Variants in ESS2 observed in about 807,000 individuals in gnomAD.
ESS2 encodes ess-2 spliceosome associated protein.
ESS2 carries 31 observed loss-of-function variants against 52.0 expected under a neutral mutation model. The observed-to-expected ratio is 0.60, with a 90% CI of 0.45 to 0.81. The LOEUF (loss-of-function observed/expected upper bound fraction) is 0.81. Among genes scored for constraint, ESS2 ranks in the 30% least tolerant of loss-of-function variants. The pLI is 0.00. For synonymous variants in ESS2, 285 were observed against 259.2 expected (o/e 1.10, Z -0.95); for missense variants, 602 against 637.2 (o/e 0.94, Z 0.59).
At chr22:19,139,031 C>T (rs1165135392) in intron 6 of ESS2, 128 bp downstream of exon 6, 15 of 1,290,922 alleles carry the variant, frequency 1.2e-5, no homozygotes, top group South Asian at 1.5e-5. Context: ...AGGATCCTGC[C>T]GCACAGGGCC....
chr22:19,136,810 G>A (rs533469808), intron 8 of ESS2, among the ~76,000 whole-genome samples: 6 of 152,212 alleles, frequency 3.9e-5, no homozygotes, highest in African/African-American at 9.6e-5. Context: ...TAAGTATTCT[G>A]GGGAAAGGCC....
chr22:19,137,104 C>A (rs2146094677), intron 8 of ESS2, among the ~76,000 whole-genome samples: 1 of 152,264 alleles, frequency 6.6e-6, no homozygotes, highest in Non-Finnish European at 1.5e-5. Context: ...GCCCAAGCCA[C>A]TCCCTGCCTT....
chr22:19,131,557 T>C lies in ESS2; in HGVS notation c.*2639A>G, dbSNP rs2083507111. 6.2e-7 allele frequency: 1 copy of C among 1,614,138 alleles called. No individual in the cohort carries two copies. Among genetic ancestry groups the C allele is most frequent in the African/African-American group, 1.3e-5 (1 of 75,036 alleles). ...CGCAAGAAAACACCTACTGACTTTGTGGAGAGATTCCTTCCTCGGGAGATG... is the reference window on the plus strand; with the variant it reads ...CGCAAGAAAACACCTACTGACTTTGCGGAGAGATTCCTTCCTCGGGAGATG... On this transcript the variant is annotated 3_prime_UTR_variant, in exon 10 of 10. Coordinates refer to ENST00000252137, the MANE Select transcript of ESS2 (RefSeq NM_022719.3). The surrounding 1 kb of genome is among the most constrained non-coding windows in gnomAD (Gnocchi z 5.7).
intron 2 of ESS2, 28 bp from the exon 3 acceptor site, chr22:19,142,661 A>T: frequency 6.2e-7 from 1 of 1,610,706 alleles, no homozygotes; most frequent in South Asian, 1.1e-5. Context: ...GATAAGAATT[A>T]GAGTGAGCCT....
chr22:19,144,301 C>T, intron 1 of ESS2: 1 of 1,349,288 alleles, frequency 7.4e-7, no homozygotes, highest in Non-Finnish European at 9.5e-7. Context: ...GAGCCGCTCT[C>T]TCTTTTCCCT....
In ESS2 at chr22:19,132,612, T is replaced by C; in HGVS notation, c.*1584A>G. The C allele has an allele frequency of 2.4e-6, 2 of 849,300 alleles. No individual in the cohort carries two copies. The highest frequency in any genetic ancestry group is 3.8e-6 in the Non-Finnish European group (2 of 531,266). 52.6% of individuals were successfully genotyped at this position (849,300 alleles called of 1,614,324 possible). A position where few individuals can be genotyped will look rare whatever the true frequency, so the allele number is the denominator to read the frequency against. On this transcript the variant is annotated 3_prime_UTR_variant, in exon 10 of 10. Coordinates refer to ENST00000252137, the MANE Select transcript of ESS2 (RefSeq NM_022719.3). The surrounding 1 kb of genome is among the most constrained non-coding windows in gnomAD (Gnocchi z 4.2). ...AAGTAAAATTCGTCAATTAAACCAC[T>C]ATTTTGATTACGTTCCATTAGCTTT...
At chr22:19,142,164 G>A (rs2083697913) in intron 3 of ESS2, among the ~76,000 whole-genome samples, 1 of 152,174 alleles carries the variant, frequency 6.6e-6, no homozygotes, top group South Asian at 2.1e-4. Flanking sequence ...GAAACACAGT[G>A]AGCCATGCAG....
At chr22:19,141,507 T>C (rs2083685753) in intron 3 of ESS2, among the ~76,000 whole-genome samples, 1 of 152,202 alleles carries the variant, frequency 6.6e-6, no homozygotes, top group Non-Finnish European at 1.5e-5. Flanking sequence ...TATAGAGCTG[T>C]GTGTCCCAGC....
At chr22:19,140,663 C>A (rs921364170) in intron 3 of ESS2, among the ~76,000 whole-genome samples, 2 of 152,192 alleles carry the variant, frequency 1.3e-5, no homozygotes, top group South Asian at 2.1e-4. Flanking sequence ...CCTGGTGCTG[C>A]GTGTGGTGGT....
Position 19,144,618 on chromosome 22 carries a change from G to A in ESS2, c.23C>T (p.Ala8Val), listed in dbSNP as rs1322065209. The change falls in exon 1 of 10, where the codon GCG becomes GTG. Residue 8 changes from alanine to valine, a missense_variant. By Grantham distance (64) the Ala-to-Val change is moderately conservative. Coordinates refer to ENST00000252137, the MANE Select transcript of ESS2 (RefSeq NM_022719.3). ...CGCGGCGGGAAGCAACAAGGACGAC[G>A]CTGATGCGCCCGGCGTCTCCATCGC... is the stretch of plus-strand genomic sequence containing the variant. METPGAS[A>V]SSLLLPAASR... The A allele has an allele frequency of 3.9e-6, 6 of 1,550,948 alleles. No homozygotes were observed. The highest frequency in any genetic ancestry group is 1.7e-6 in the Non-Finnish European group (2 of 1,146,102).
Position 19,137,859 on chromosome 22 carries a change from G to A in ESS2, c.925+356C>T, listed in dbSNP as rs374263572. 42 of 985,412 alleles carry A rather than the reference G, an allele frequency of 4.3e-5. 2 individuals carry two copies. In the South Asian group the frequency reaches 2.0e-3, roughly 46 times the overall value. 61.0% of individuals were successfully genotyped at this position (985,412 alleles called of 1,614,324 possible). ...CCACGCATGCCACAAGACCACCTGAGTTTCACCTCCACTGAGGTGCTGGGC... is the reference window on the plus strand; with the variant it reads ...CCACGCATGCCACAAGACCACCTGAATTTCACCTCCACTGAGGTGCTGGGC... On this transcript the variant is annotated intron_variant, in intron 7 of 9. Coordinates refer to ENST00000252137, the MANE Select transcript of ESS2 (RefSeq NM_022719.3).
intron 1 of ESS2, 49 bp from the exon 2 acceptor site, chr22:19,142,943 A>C: frequency 7.4e-5 from 116 of 1,565,334 alleles, no homozygotes; most frequent in Non-Finnish European, 9.2e-5. Flanking sequence ...GCGGTGGCTC[A>C]CACCTGTAAT....
chr22:19,140,004 C>G lies in ESS2; in HGVS notation c.421G>C (p.Glu141Gln). Residue 141 changes from glutamate (E) to glutamine (Q), a missense_variant, in exon 4 of 10, where the codon GAG becomes CAG. Transcript: ENST00000252137. Reference sequence around the variant, plus strand: ...TCTAGGCTGGGCAGCGGCTCCTTCTCCTCCTCCTCTCCAGCCTCTCCTGCT... The same window carrying G: ...TCTAGGCTGGGCAGCGGCTCCTTCTGCTCCTCCTCTCCAGCCTCTCCTGCT... ...LEDGEAGEEE[E>Q]KEPLPSLDVF... The G allele has an allele frequency of 6.2e-7, 1 of 1,613,768 alleles. No individual in the cohort carries two copies. The highest frequency in any genetic ancestry group is 8.5e-7 in the Non-Finnish European group (1 of 1,179,960).
At position 19,138,121 on chromosome 22, in the gene ESS2, G is replaced by A. The variant is rs1391014686; in HGVS notation, c.925+94C>T. On this transcript the variant is annotated intron_variant, in intron 7 of 9. Coordinates refer to ENST00000252137, the MANE Select transcript of ESS2 (RefSeq NM_022719.3). ...TTACACAAGGTGTGGGGCAGGCCAGGTAGAGGCCAGGAGTGGCCAGGGCCG... is the reference window on the plus strand; with the variant it reads ...TTACACAAGGTGTGGGGCAGGCCAGATAGAGGCCAGGAGTGGCCAGGGCCG... 6 of 1,581,078 alleles carry A rather than the reference G, an allele frequency of 3.8e-6. No individual in the cohort carries two copies. The South Asian group carries it at 5.7e-5, about 15-fold the overall frequency.
At chr22:19,140,076 G>A (rs996038378) in intron 3 of ESS2, 52 bp from the exon 4 acceptor site, 8 of 1,595,670 alleles carry the variant, frequency 5.0e-6, no homozygotes, top group Non-Finnish European at 6.0e-6. Flanking sequence ...AGTCAGGAAA[G>A]AGGAGGACAC....
intron 3 of ESS2, among the ~76,000 whole-genome samples, chr22:19,140,317 T>C (rs760901510): frequency 3.3e-5 from 5 of 152,112 alleles, no homozygotes; most frequent in Non-Finnish European, 7.4e-5. Context: ...GAGAAAGCAA[T>C]ACAGGTGTTA....
intron 9 of ESS2, among the ~76,000 whole-genome samples, 181 bp from the exon 10 acceptor site, chr22:19,134,656 CAGGTCAAACCTG>C (rs2083550369): frequency 6.6e-6 from 1 of 152,052 alleles, no homozygotes; most frequent in Non-Finnish European, 1.5e-5. Flanking sequence ...CAGCAGCGCT[CAGGTCAAACCTG>C]AGGTCAAACA....
chr22:19,139,551 A>AG, intron 5 of ESS2, 61 bp downstream of exon 5: 1 of 1,517,476 alleles, frequency 6.6e-7, no homozygotes, highest in Non-Finnish European at 9.2e-7. Flanking sequence ...CTCCAAACAC[A>AG]GCCAGACACA....
Position 19,144,651 on chromosome 22 carries a change from G to A in ESS2, c.-11C>T, listed in dbSNP as rs763933617. ...GCCCGGCGTCTCCATCGCTATCCCA[G>A]GAAAAAGCTCGGGCCCAGCAGGCGC... On this transcript the variant is annotated 5_prime_UTR_variant, in exon 1 of 10. Coordinates refer to ENST00000252137, the MANE Select transcript of ESS2 (RefSeq NM_022719.3). 1.0e-5 allele frequency: 15 copies of A among 1,495,582 alleles called. No homozygotes were observed. Among genetic ancestry groups the A allele is most frequent in the Middle Eastern group, 1.9e-4 (1 of 5,404 alleles). The allele number at this position is 1,495,582 out of a possible 1,614,324, so 92.6% of individuals were successfully genotyped here. A position where few individuals can be genotyped will look rare whatever the true frequency, so the allele number is the denominator to read the frequency against.
Sources: allele counts gnomAD v4.1 joint callset (sites outside exome capture counted in the v4.1 genomes callset), GRCh38; gene constraint gnomAD v4.1.1; non-coding constraint Gnocchi (gnomAD v3.1); transcripts MANE v1.5; gene names NCBI Gene and HGNC (gene_info 2026-07-23, HGNC 2026-07-21).